The following PGBD5 variants were observed in gnomAD, a reference collection of about 807,000 sequenced individuals.
PGBD5 encodes the protein piggyBac transposable element-derived protein 5.
In PGBD5, 14 loss-of-function variants were observed where a neutral mutation model predicts 47.9. The observed-to-expected ratio is 0.29, with a 90% confidence interval of 0.19 to 0.46. PGBD5 has a LOEUF of 0.46. PGBD5 is among the 20% of genes least tolerant of loss of function. The pLI is 1.00. For missense variants in PGBD5, 635 were observed against 716.0 expected (o/e 0.89, Z 1.29); for synonymous variants, 316 against 306.3 (o/e 1.03, Z -0.33).
At chr1:230,386,298 G>A (rs1478777576) in intron 1 of PGBD5, among the ~76,000 whole-genome samples, 1 of 148,366 alleles carries the variant, frequency 6.7e-6, no homozygotes, top group African/African-American at 2.5e-5. Flanking sequence ...CAGCCAGGGT[G>A]ACAGAGCAAA....
intron 5 of PGBD5, among the ~76,000 whole-genome samples, chr1:230,326,807 G>A (rs1667124744): frequency 6.6e-6 from 1 of 152,138 alleles, no homozygotes; most frequent in African/African-American, 2.4e-5. Context: ...GAAGGAGGAG[G>A]TTGTCCTTTT....
At chr1:230,389,570 T>C (rs1656737836) in intron 1 of PGBD5, among the ~76,000 whole-genome samples, 1 of 152,194 alleles carries the variant, frequency 6.6e-6, no homozygotes. Flanking sequence ...CCTGGACTTG[T>C]AGGATCTCGG....
At chr1:230,326,760 C>T (rs1667123873) in intron 5 of PGBD5, among the ~76,000 whole-genome samples, 1 of 152,186 alleles carries the variant, frequency 6.6e-6, no homozygotes, top group Non-Finnish European at 1.5e-5. Flanking sequence ...CATGTGCGAG[C>T]CTCCACGCGC....
rs953333101 is a variant in PGBD5 at position 230,380,990 on chromosome 1, G to A, written c.332-23669C>T. 5.9e-5 allele frequency among the ~76,000 whole-genome samples: 9 copies of A among 152,366 alleles called. No homozygotes were observed. The South Asian group carries it at 1.4e-3, about 25-fold the overall frequency. ...CGCTCAGGAGTGGGTGGCCGTCTGC[G>A]GCCGTGTTCTCCCTAGAGAGGAGTG... is the stretch of plus-strand genomic sequence containing the variant. On this transcript the variant is annotated intron_variant, in intron 1 of 6. Transcript: ENST00000391860.
At position 230,362,461 on chromosome 1, in the gene PGBD5, C is replaced by T. The variant is rs188702303; in HGVS notation, c.332-5140G>A. 427 of 1,229,368 alleles carry T rather than the reference C, an allele frequency of 3.5e-4. 2 individuals carry two copies. In the African/African-American group the frequency reaches 6.4e-3, roughly 19 times the overall value. The allele number at this position is 1,229,368 out of a possible 1,614,324, so 76.2% of individuals were successfully genotyped here. On this transcript the variant is annotated intron_variant, in intron 1 of 6. Transcript: ENST00000391860. ...GGCAAGCTCTTTCCCGCCTCAAGGC[C>T]TGATCCTCCTGGAAGGAAGCCCTCC...
intron 3 of PGBD5, among the ~76,000 whole-genome samples, chr1:230,340,905 A>T (rs1571830567): frequency 6.6e-6 from 1 of 152,002 alleles, no homozygotes; most frequent in Non-Finnish European, 1.5e-5. Flanking sequence ...GAAAACTGCC[A>T]TTTTTCCAGA....
intron 5 of PGBD5, 66 bp downstream of exon 5, chr1:230,332,778 G>A: frequency 5.7e-6 from 9 of 1,581,084 alleles, no homozygotes; most frequent in Middle Eastern, 1.8e-4. Flanking sequence ...CACCGCAGCG[G>A]TGGGCTCGGC....
intron 1 of PGBD5, among the ~76,000 whole-genome samples, chr1:230,404,970 C>T (rs975743672): frequency 2.7e-5 from 4 of 146,150 alleles, no homozygotes; most frequent in Non-Finnish European, 6.0e-5. Flanking sequence ...TATCACTCAG[C>T]TATCAAGTTT....
rs1668028141 is a variant in PGBD5, at chr1:230,377,266, T to C, written c.332-19945A>G. Among the ~76,000 whole-genome samples the C allele has an allele frequency of 1.3e-5, 2 of 152,192 alleles. 1 individual carries two copies. Among genetic ancestry groups the C allele is most frequent in the South Asian group, 4.1e-4 (2 of 4,828 alleles). ...AGGGACAGATGTCCTGCAGATGACT[T>C]AACCCTGATTCCAACATTGTGTGCC... On this transcript the variant is annotated intron_variant, in intron 1 of 6. Coordinates refer to ENST00000391860, the MANE Select transcript of PGBD5 (RefSeq NM_001258311.2).
intron 1 of PGBD5, among the ~76,000 whole-genome samples, chr1:230,399,330 T>C (rs1355368223): frequency 6.6e-6 from 1 of 152,174 alleles, no homozygotes. Flanking sequence ...TTTGCTGATA[T>C]ACACTTGGTG....
At chr1:230,362,183 T>C (rs1667755561) in intron 1 of PGBD5, 2 of 1,279,182 alleles carry the variant, frequency 1.6e-6, no homozygotes, top group Non-Finnish European at 2.0e-6. Context: ...CTCACTCTGC[T>C]GCACGAGAGG....
intron 1 of PGBD5, among the ~76,000 whole-genome samples, chr1:230,384,743 A>G (rs1656593758): frequency 6.6e-6 from 1 of 152,218 alleles, no homozygotes; most frequent in Admixed American, 6.5e-5. Context: ...CTTCTCATCT[A>G]TAAAATGGGC....
intron 1 of PGBD5, chr1:230,377,382 G>A (rs828463): frequency 0.72 from 827,343 of 1,153,654 alleles, 300,542 homozygotes; most frequent in Non-Finnish European, 0.74. Flanking sequence ...ACATCAACAC[G>A]TGATAAATCC....
At chr1:230,383,639 T>C (rs1656566032) in intron 1 of PGBD5, among the ~76,000 whole-genome samples, 1 of 152,124 alleles carries the variant, frequency 6.6e-6, no homozygotes, top group South Asian at 2.1e-4. Context: ...TCCCCTTGGC[T>C]TTCCAATGTG....
intron 1 of PGBD5, among the ~76,000 whole-genome samples, chr1:230,378,204 C>A (rs181091980): frequency 6.6e-6 from 1 of 152,220 alleles, no homozygotes; most frequent in Non-Finnish European, 1.5e-5. Context: ...TGCTTCTATG[C>A]CCACCTTCCC....
At chr1:230,417,807 G>C (rs1430126061) in intron 1 of PGBD5, among the ~76,000 whole-genome samples, 1 of 152,160 alleles carries the variant, frequency 6.6e-6, no homozygotes, top group Non-Finnish European at 1.5e-5. Flanking sequence ...GAACCCCAGG[G>C]GACATGTCTA....
At chr1:230,387,969 G>A (rs529828437) in intron 1 of PGBD5, among the ~76,000 whole-genome samples, 138 of 152,260 alleles carry the variant, frequency 9.1e-4, no homozygotes, top group Non-Finnish European at 1.4e-3. Context: ...CCAGGCCAGT[G>A]AGAGCAATGG....
intron 1 of PGBD5, chr1:230,377,394 T>G: frequency 7.8e-7 from 1 of 1,288,720 alleles, no homozygotes; most frequent in Non-Finnish European, 1.1e-6. Flanking sequence ...GATAAATCCT[T>G]CATAAAGGCA....
intron 1 of PGBD5, among the ~76,000 whole-genome samples, chr1:230,400,567 T>C (rs748550717): frequency 5.3e-5 from 8 of 152,200 alleles, no homozygotes; most frequent in Non-Finnish European, 7.3e-5. Context: ...AGCTTCACTA[T>C]CCACTGCGTG....
Sources: allele counts gnomAD v4.1 joint callset (sites outside exome capture counted in the v4.1 genomes callset), GRCh38; gene constraint gnomAD v4.1.1; transcripts MANE v1.5; gene names NCBI Gene and HGNC (gene_info 2026-07-23, HGNC 2026-07-21).